Variants in NLRC5 observed in about 807,000 individuals in gnomAD.
NLRC5 encodes protein NLRC5.
NLRC5 carries 114 observed loss-of-function variants against 206.9 expected under a neutral mutation model. The observed-to-expected ratio is 0.55, with a 90% confidence interval of 0.47 to 0.64. The LOEUF (loss-of-function observed/expected upper bound fraction) is 0.64, where lower values mean the gene tolerates loss of function less well. Among genes scored for constraint, NLRC5 ranks in the 30% least tolerant of loss-of-function variants. NLRC5 has a pLI of 0.00. For synonymous variants in NLRC5, 952 were observed against 962.8 expected (o/e 0.99, Z 0.21); for missense variants, 2,008 against 2,305.5 (o/e 0.87, Z 2.64).
At chr16:57,023,717 G>T (rs1340939908) in intron 4 of NLRC5, 68 bp from the exon 5 acceptor site, 53 of 1,372,970 alleles carry the variant, frequency 3.9e-5, no homozygotes, top group Non-Finnish European at 5.3e-5. Flanking sequence ...GTTCCCCAAA[G>T]GTTCTGGGTA....
intron 15 of NLRC5, among the ~76,000 whole-genome samples, 193 bp downstream of exon 15, chr16:57,037,477 G>A (rs76810718): frequency 0.028 from 4,228 of 152,148 alleles, 198 homozygotes; most frequent in African/African-American, 0.097. Context: ...TTATACCTCT[G>A]GAGAACTACC....
In NLRC5 at chr16:57,036,087, C is replaced by A. The variant is rs752943796; in HGVS notation, c.2628-13C>A. The A allele has an allele frequency of 8.3e-6, 13 of 1,570,882 alleles. No homozygotes were observed. In the East Asian group the frequency reaches 2.7e-4, roughly 32 times the overall value. On this transcript the variant is annotated splice_polypyrimidine_tract_variant and intron_variant, in intron 13 of 48. Transcript: ENST00000688547. ...CAGCCCCACAATACAGTGCATTGGG[C>A]CCCCCGTCTCAGCCTCTCAGGGAAC...
At chr16:56,995,644 C>T (rs1010437979) in intron 1 of NLRC5, among the ~76,000 whole-genome samples, 11 of 152,142 alleles carry the variant, frequency 7.2e-5, no homozygotes, top group Non-Finnish European at 1.5e-4. Context: ...AACCCCTTGT[C>T]CTGCACGGTC....
At chr16:56,990,618 T>G (rs2056699709) in intron 1 of NLRC5, 1 of 152,138 alleles carries the variant, frequency 6.6e-6, no homozygotes, top group African/African-American at 2.4e-5. Flanking sequence ...TTTCCTTTTT[T>G]AAAAGGTTGA....
Position 57,025,406 on chromosome 16 carries a change from G to T in NLRC5, c.463G>T (p.Ala155Ser). The change falls in exon 6 of 49, where the codon GCC (alanine) becomes TCC (serine). Residue 155 changes from alanine (A) to serine (S), a missense_variant. By Grantham distance (99) the Ala-to-Ser change is moderately conservative. Transcript: ENST00000688547. ...GTACCTGCAGCTCCTGCGGACCTCT[G>T]CCCAGCAGCGCTACAGGAGCCAAAT... ...KKYLQLLRTS[A>S]QQRYRSQIPG... 6.4e-7 allele frequency: 1 copy of T among 1,559,548 alleles called. No individual in the cohort carries two copies. Among genetic ancestry groups the T allele is most frequent in the Non-Finnish European group, 8.7e-7 (1 of 1,153,590 alleles).
intron 10 of NLRC5, 69 bp downstream of exon 10, chr16:57,030,153 A>C (rs1281256924): frequency 7.8e-7 from 1 of 1,276,908 alleles, no homozygotes; most frequent in African/African-American, 1.5e-5. Flanking sequence ...TGGGATGGGA[A>C]ATGGAGGAGG....
intron 1 of NLRC5, among the ~76,000 whole-genome samples, chr16:56,995,378 A>G (rs966688612): frequency 2.6e-5 from 4 of 152,244 alleles, no homozygotes; most frequent in African/African-American, 9.6e-5. Flanking sequence ...GGCGTAAGCA[A>G]CGCCCTGGTG....
chr16:57,073,316 C>T (rs574445080), intron 38 of NLRC5, among the ~76,000 whole-genome samples: 1 of 152,264 alleles, frequency 6.6e-6, no homozygotes, highest in Non-Finnish European at 1.5e-5. Flanking sequence ...AGGTCTCTTC[C>T]CATCTCAGAT....
intron 16 of NLRC5, 25 bp from the exon 17 acceptor site, chr16:57,040,625 C>A: frequency 6.2e-7 from 1 of 1,612,182 alleles, no homozygotes; most frequent in Non-Finnish European, 8.5e-7. Flanking sequence ...CTTTGCTCAG[C>A]CTGGCCTTGG....
At position 57,028,303 on chromosome 16, in the gene NLRC5, T is replaced by A. The variant is rs1410635057; in HGVS notation, c.2161T>A (p.Leu721Ile). ...CCACCATCTTTGCTTACTCTGTAGG[T>A]TAGCAGGAAGTAAAATCACTGCCCG... Reference protein sequence around the residue: ...PTMGRLQMLGLAGSKITARGI... With the variant: ...PTMGRLQMLGIAGSKITARGI... The change falls in exon 8 of 49, where the codon TTA becomes ATA. Residue 721 changes from leucine to isoleucine, a missense_variant and splice_region_variant. Physicochemically the swap from Leu to Ile is conservative, Grantham distance 5. Coordinates refer to ENST00000688547, the MANE Select transcript of NLRC5 (RefSeq NM_001384950.1). The A allele has an allele frequency of 6.2e-7, 1 of 1,613,860 alleles. No homozygotes were observed. Among genetic ancestry groups the A allele is most frequent in the Admixed American group, 1.7e-5 (1 of 60,012 alleles).
intron 35 of NLRC5, 43 bp downstream of exon 35, chr16:57,067,513 TTGACCCTGGTACCTACTCCAGGCCATGTG>T (rs756597313): frequency 9.5e-6 from 15 of 1,580,704 alleles, no homozygotes; most frequent in Non-Finnish European, 1.3e-5. Flanking sequence ...AGTTCTCTGG[TTGACCCTGGTACCTACTCCAGGCCATGTG>T]TGACCCTGGC....
chr16:57,079,722 C>T (rs1407383741), intron 46 of NLRC5, 93 bp downstream of exon 46: 19 of 960,162 alleles, frequency 2.0e-5, no homozygotes, highest in Non-Finnish European at 3.0e-5. Context: ...TGGCCTGGAG[C>T]TGCTCCCATC....
intron 14 of NLRC5, among the ~76,000 whole-genome samples, chr16:57,036,555 T>C (rs2143299672): frequency 6.6e-6 from 1 of 151,908 alleles, no homozygotes. Context: ...GGGAGTGGTG[T>C]GTTCCTGTGG....
At chr16:56,996,564 C>G (rs1301172176) in intron 1 of NLRC5, among the ~76,000 whole-genome samples, 2 of 152,058 alleles carry the variant, frequency 1.3e-5, no homozygotes, top group Non-Finnish European at 2.9e-5. Flanking sequence ...GACATGGTTT[C>G]TAGAAAAGCT....
intron 1 of NLRC5, among the ~76,000 whole-genome samples, chr16:57,015,699 G>A (rs886621903): frequency 2.6e-5 from 4 of 151,758 alleles, no homozygotes; most frequent in South Asian, 2.1e-4. Flanking sequence ...AGGCCGAGGC[G>A]GGCAGATCAC....
Position 57,082,511 on chromosome 16 carries a change from G to T in NLRC5, c.5584G>T (p.Ala1862Ser), listed in dbSNP as rs1250284425. ...DFAFFDNQPQAPWGT is the reference protein window; with the variant it reads ...DFAFFDNQPQSPWGT ...TGCCTTCTTTGACAACCAGCCCCAG[G>T]CCCCTTGGGGTACTTGATGGCCCCC... The change falls in exon 49 of 49, where the codon GCC (alanine) becomes TCC (serine). Residue 1862 changes from alanine to serine, a missense_variant. Coordinates refer to ENST00000688547, the MANE Select transcript of NLRC5 (RefSeq NM_001384950.1). 1.2e-6 allele frequency: 2 copies of T among 1,613,182 alleles called. No individual in the cohort carries two copies. Among genetic ancestry groups the T allele is most frequent in the Non-Finnish European group, 1.7e-6 (2 of 1,179,492 alleles).
chr16:57,033,984 G>C (rs572203111), intron 12 of NLRC5, among the ~76,000 whole-genome samples, 184 bp from the exon 13 acceptor site: 1 of 152,190 alleles, frequency 6.6e-6, no homozygotes, highest in African/African-American at 2.4e-5. Flanking sequence ...CCCTTTGAGG[G>C]AGGAGGAAAC....
intron 30 of NLRC5, among the ~76,000 whole-genome samples, chr16:57,060,059 C>A (rs368263544): frequency 1.5e-5 from 2 of 137,694 alleles, no homozygotes; most frequent in South Asian, 4.5e-4. Flanking sequence ...TTATTATTAT[C>A]ATTATCATTA....
chr16:57,082,398 C>G lies in NLRC5; in HGVS notation c.5490-19C>G. ...CAAAGATGGGAGGATGAATGAGTGCCTATATCTGTGCCCCACAGCCTCTGG... is the reference window on the plus strand; with the variant it reads ...CAAAGATGGGAGGATGAATGAGTGCGTATATCTGTGCCCCACAGCCTCTGG... On this transcript the variant is annotated intron_variant, in intron 48 of 48. Transcript: ENST00000688547. 1 of 1,578,066 alleles carries G rather than the reference C, an allele frequency of 6.3e-7. No individual in the cohort carries two copies. The highest frequency in any genetic ancestry group is 1.7e-4 in the Middle Eastern group (1 of 5,990).
Sources: allele counts gnomAD v4.1 joint callset (sites outside exome capture counted in the v4.1 genomes callset), GRCh38; gene constraint gnomAD v4.1.1; transcripts MANE v1.5; gene names NCBI Gene and HGNC (gene_info 2026-07-23, HGNC 2026-07-21).